SLC48A1: variants seen among roughly 807,000 people sequenced by gnomAD.
SLC48A1 encodes heme transporter HRG1.
In SLC48A1, 6 loss-of-function variants were observed where a neutral mutation model predicts 14.8. The ratio of observed to expected loss-of-function variants is 0.41; its 90% CI spans 0.22 to 0.80. SLC48A1 has a LOEUF of 0.80. Among genes scored for constraint, SLC48A1 ranks in the 30% least tolerant of loss-of-function variants. The pLI is 0.34. For missense variants in SLC48A1, 165 were observed against 204.8 expected (o/e 0.81, Z 1.19); for synonymous variants, 89 against 90.0 (o/e 0.99, Z 0.06).
chr12:47,780,566 T>TTA lies in SLC48A1; in HGVS notation c.*286_*287insAT. 1.7e-6 allele frequency: 1 copy of TTA among 589,784 alleles called. No individual in the cohort carries two copies. The highest frequency in any genetic ancestry group is 3.2e-6 in the Non-Finnish European group (1 of 311,232). The allele number at this position is 589,784 out of a possible 1,614,324, so 36.5% of individuals were successfully genotyped here. ...CTGTTTTCTTTTCTTTCTTTTTTTTTTCTTTTTTTTTTTTTTTTGAGATGG... is the reference window on the plus strand; with the variant it reads ...CTGTTTTCTTTTCTTTCTTTTTTTTTTATCTTTTTTTTTTTTTTTTGAGATGG... On this transcript the variant is annotated 3_prime_UTR_variant, in exon 3 of 3. Transcript: ENST00000442218.
At chr12:47,760,341 T>C (rs1309845191) in exon 2 of SLC48A1, 2 of 985,288 alleles carry the variant, frequency 2.0e-6, no homozygotes, top group African/African-American at 1.7e-5. Flanking sequence ...TTCTGGTAAT[T>C]TGGAAGAAGG....
At position 47,780,572 on chromosome 12, in the gene SLC48A1, T is replaced by C. The variant is rs769569376; in HGVS notation, c.*291T>C. The C allele has an allele frequency of 2.2e-5, 12 of 534,140 alleles. No homozygotes were observed. Among genetic ancestry groups the C allele is most frequent in the South Asian group, 3.2e-5 (2 of 62,836 alleles). The allele number at this position is 534,140 out of a possible 1,614,324, so 33.1% of individuals were successfully genotyped here. ...TCTTTTCTTTCTTTTTTTTTTCTTT[T>C]TTTTTTTTTTTTGAGATGGAGTCTT... is the stretch of plus-strand genomic sequence containing the variant. On this transcript the variant is annotated 3_prime_UTR_variant, in exon 3 of 3. Coordinates refer to ENST00000442218, the MANE Select transcript of SLC48A1 (RefSeq NM_017842.3).
chr12:47,773,047 C>T (rs554531822), upstream of SLC48A1: 2 of 353,600 alleles, frequency 5.7e-6, no homozygotes, highest in South Asian at 2.2e-4. Flanking sequence ...GGGGATGGGC[C>T]CAGGAATCCG....
intron 2 of SLC48A1, among the ~76,000 whole-genome samples, chr12:47,762,144 C>G (rs1238419721): frequency 6.6e-6 from 1 of 152,160 alleles, no homozygotes; most frequent in Non-Finnish European, 1.5e-5. Context: ...TGAGCTCCTG[C>G]CAGAGCATGG....
Position 47,773,294 on chromosome 12 carries a change from G to A in SLC48A1, c.-11G>A, listed in dbSNP as rs1942667177. ...CGCGCTCGCCCTCGGCCCGCCCGGC[G>A]CCGCAGCCCCATGGCCCCGTCCAGG... On this transcript the variant is annotated 5_prime_UTR_variant, in exon 1 of 3. Transcript: ENST00000442218. The A allele has an allele frequency of 2.8e-6, 4 of 1,412,108 alleles. No homozygotes were observed. Among genetic ancestry groups the A allele is most frequent in the Non-Finnish European group, 3.7e-6 (4 of 1,078,080 alleles). The allele number at this position is 1,412,108 out of a possible 1,614,324, so 87.5% of individuals were successfully genotyped here. A position where few individuals can be genotyped will look rare whatever the true frequency, so the allele number is the denominator to read the frequency against.
In SLC48A1 at chr12:47,781,310, A is replaced by G. The variant is rs2525042; in HGVS notation, c.*1029A>G. 0.81 allele frequency: 134,260 copies of G among 165,984 alleles called. 54,746 individuals are homozygous for G. Among genetic ancestry groups the G allele is most frequent in the East Asian group, 0.92 (4,901 of 5,324 alleles). The allele number at this position is 165,984 out of a possible 1,614,324, so 10.3% of individuals were successfully genotyped here. A position where few individuals can be genotyped will look rare whatever the true frequency, so the allele number is the denominator to read the frequency against. Reference sequence around the variant, plus strand: ...GGCTGGAAAGAGCCCCCAAACCTGTACCCATGCCCCTCCAGCCCTGCGTTT... The same window carrying G: ...GGCTGGAAAGAGCCCCCAAACCTGTGCCCATGCCCCTCCAGCCCTGCGTTT... On this transcript the variant is annotated 3_prime_UTR_variant, in exon 3 of 3. Coordinates refer to ENST00000442218, the MANE Select transcript of SLC48A1 (RefSeq NM_017842.3).
Position 47,761,802 on chromosome 12 carries a change from C to T in SLC48A1, c.-187+1401C>T, listed in dbSNP as rs145309715. On this transcript the variant is annotated intron_variant, in intron 2 of 4. Transcript: ENST00000547002. ...CATGCACCAGGCCCTGTTCTTGATA[C>T]TTTGTATATATTCACTGACTGAATT... 3.0e-3 allele frequency among the ~76,000 whole-genome samples: 458 copies of T among 152,246 alleles called. 2 individuals carry two copies. The highest frequency in any genetic ancestry group is 0.011 in the African/African-American group (444 of 41,530).
At chr12:47,756,985 GAAAAGAAAA>G (rs1225817515), upstream of SLC48A1, among the ~76,000 whole-genome samples, 1 of 151,376 alleles carries the variant, frequency 6.6e-6, no homozygotes, top group African/African-American at 2.4e-5. Context: ...AAAAAAGAAA[GAAAAGAAAA>G]AAGAAATGAA....
intron 2 of SLC48A1, among the ~76,000 whole-genome samples, chr12:47,762,438 C>G (rs1300562464): frequency 1.3e-5 from 2 of 152,200 alleles, no homozygotes; most frequent in East Asian, 1.9e-4. Context: ...AAGTGAGGAG[C>G]CTGATACCCT....
chr12:47,775,655 C>T (rs181227847), intron 1 of SLC48A1, among the ~76,000 whole-genome samples: 6 of 152,292 alleles, frequency 3.9e-5, no homozygotes, highest in Non-Finnish European at 5.9e-5. Context: ...TCTGACTCAG[C>T]GTTTTATAGC....
Position 47,780,205 on chromosome 12 carries a change from G to C in SLC48A1, c.365G>C (p.Trp122Ser). 6.2e-7 allele frequency: 1 copy of C among 1,614,042 alleles called. No individual in the cohort carries two copies. Among genetic ancestry groups the C allele is most frequent in the Non-Finnish European group, 8.5e-7 (1 of 1,179,942 alleles). Residue 122 changes from tryptophan (W) to serine (S), a missense_variant, in exon 3 of 3, where the codon TGG becomes TCG. Physicochemically the swap from Trp to Ser is radical, Grantham distance 177 (BLOSUM62 -3). Coordinates refer to ENST00000442218, the MANE Select transcript of SLC48A1 (RefSeq NM_017842.3). ...GTCTGGAGCTTCATTTCCTTCAAGT[G>C]GGCCTTCCTGCTCAGCCTCTATGCC... Reference protein sequence around the residue: ...SSVWSFISFKWAFLLSLYAHR... With the variant: ...SSVWSFISFKSAFLLSLYAHR...
upstream of SLC48A1, among the ~76,000 whole-genome samples, chr12:47,771,371 C>T (rs148090003): frequency 2.1e-3 from 310 of 150,502 alleles, 2 homozygotes; most frequent in African/African-American, 7.0e-3. Context: ...GTGAACAAAA[C>T]TGGCACTGTC....
upstream of SLC48A1, among the ~76,000 whole-genome samples, chr12:47,772,561 C>G (rs1244796886): frequency 2.6e-5 from 4 of 152,082 alleles, no homozygotes; most frequent in Non-Finnish European, 4.4e-5. Flanking sequence ...CACCTGTAGT[C>G]CTGGCTGCTT....
upstream of SLC48A1, chr12:47,768,636 T>C: frequency 6.6e-6 from 1 of 152,224 alleles, no homozygotes; most frequent in South Asian, 2.1e-4. Context: ...ATCTGGAAGA[T>C]AGCTCAGTAG....
intron 1 of SLC48A1, among the ~76,000 whole-genome samples, chr12:47,776,610 G>A (rs1942760582): frequency 6.6e-6 from 1 of 152,200 alleles, no homozygotes; most frequent in African/African-American, 2.4e-5. Context: ...TATCTGGAGG[G>A]GAGGCCTCTG....
rs961972861 is a variant in SLC48A1 at position 47,759,072 on chromosome 12, A to G, written c.-373+412A>G. 3.0e-6 allele frequency: 3 copies of G among 985,746 alleles called. No individual in the cohort carries two copies. The African/African-American group carries it at 5.3e-5, about 17-fold the overall frequency. The allele number at this position is 985,746 out of a possible 1,614,324, so 61.1% of individuals were successfully genotyped here. A position where few individuals can be genotyped will look rare whatever the true frequency, so the allele number is the denominator to read the frequency against. On this transcript the variant is annotated intron_variant, in intron 1 of 4. Transcript: ENST00000547002. ...CCAGAGTGGACATCCGCCTGAGCCC[A>G]GAGTATCCCCAGGGGGCAGGAGCGG...
At chr12:47,760,791 C>T (rs1942358266) in intron 2 of SLC48A1, among the ~76,000 whole-genome samples, 1 of 152,160 alleles carries the variant, frequency 6.6e-6, no homozygotes, top group Non-Finnish European at 1.5e-5. Flanking sequence ...GGAGCTGGGG[C>T]ATGAATCCAG....
At chr12:47,757,746 G>A (rs1481798034), upstream of SLC48A1, 4 of 949,638 alleles carry the variant, frequency 4.2e-6, no homozygotes, top group Non-Finnish European at 6.2e-6. Flanking sequence ...GTCCACGGCA[G>A]CTGTACCACT....
upstream of SLC48A1, among the ~76,000 whole-genome samples, chr12:47,769,824 C>T (rs758313616): frequency 4.6e-5 from 7 of 151,962 alleles, no homozygotes; most frequent in Non-Finnish European, 1.0e-4. Context: ...TGTGCAGCTA[C>T]TTAAATTAAT....
Sources: gnomAD v4.1 joint callset for allele counts (sites outside exome capture counted in the v4.1 genomes callset) on GRCh38, gnomAD v4.1.1 for gene constraint, MANE v1.5 for transcripts, NCBI Gene and HGNC (gene_info 2026-07-23, HGNC 2026-07-21) for gene names.